Variants in PIAS4 observed in about 807,000 individuals in gnomAD.
PIAS4 encodes the protein protein inhibitor of activated STAT 4.
PIAS4 carries 7 observed loss-of-function variants against 58.0 expected under a neutral mutation model. The observed-to-expected ratio is 0.12, with a 90% CI of 0.07 to 0.23. The LOEUF (loss-of-function observed/expected upper bound fraction) is 0.23, where lower values mean the gene tolerates loss of function less well. PIAS4 is among the 10% of genes least tolerant of loss of function. The pLI, the probability that PIAS4 is intolerant of heterozygous loss-of-function variation, is 1.00. For missense variants in PIAS4, 550 were observed against 709.5 expected (o/e 0.78, Z 2.55); for synonymous variants, 364 against 312.4 (o/e 1.17, Z -1.74).
chr19:4,038,602 G>C lies in PIAS4; in HGVS notation c.*727G>C, dbSNP rs2040329295. On this transcript the variant is annotated 3_prime_UTR_variant, in exon 11 of 11. Transcript: ENST00000262971. This position sits in a 1 kb window ranked among gnomAD's most constrained non-coding sequence, Gnocchi z 4.1. ...AACCCCCGGGGAAGGCGGGGGCCCA[G>C]GGTGCGGCACCGTGTGGCGTGGGGG... 1 of 152,422 alleles carries C rather than the reference G, an allele frequency of 6.6e-6. No individual in the cohort carries two copies. Among genetic ancestry groups the C allele is most frequent in the Non-Finnish European group, 1.5e-5 (1 of 68,100 alleles). 9.4% of individuals were successfully genotyped at this position (152,422 alleles called of 1,614,324 possible). A position where few individuals can be genotyped will look rare whatever the true frequency, so the allele number is the denominator to read the frequency against.
chr19:4,016,161 C>G (rs532409125), intron 2 of PIAS4, among the ~76,000 whole-genome samples: 1 of 152,356 alleles, frequency 6.6e-6, no homozygotes, highest in East Asian at 1.9e-4. Context: ...CCCTTTCCAG[C>G]CTGCGCCACC....
At chr19:4,030,628 A>G (rs117041988) in intron 7 of PIAS4, among the ~76,000 whole-genome samples, 3,636 of 152,078 alleles carry the variant, frequency 0.024, 55 homozygotes, top group Non-Finnish European at 0.037. Flanking sequence ...CAAAAAAAAA[A>G]AAAAGCCTGC....
chr19:4,037,134 C>T lies in PIAS4; in HGVS notation c.1143-240C>T, dbSNP rs1490689727. The stretch of plus-strand genomic sequence containing the variant: ...TTGGGGGCCACTGGGTATGTGTGTC[C>T]ATGCCCCGTCCCCCCGGCAGTGCCG... On this transcript the variant is annotated intron_variant, in intron 9 of 10. Transcript: ENST00000262971. The surrounding 1 kb of genome is among the most constrained non-coding windows in gnomAD (Gnocchi z 5.8). Among the ~76,000 whole-genome samples the T allele has an allele frequency of 5.9e-5, 9 of 152,236 alleles. No individual in the cohort carries two copies. The highest frequency in any genetic ancestry group is 1.3e-4 in the Admixed American group (2 of 15,288).
rs2040021326 is a variant in PIAS4, at chr19:4,013,531, C to A, written c.454+182C>A. ...AGGGACCATCTTTGATATTGGTCACCCCTTGCTGTGTTACAAGTTACCCCG... is the reference window on the plus strand; with the variant it reads ...AGGGACCATCTTTGATATTGGTCACACCTTGCTGTGTTACAAGTTACCCCG... On this transcript the variant is annotated intron_variant, in intron 2 of 10. Coordinates refer to ENST00000262971, the MANE Select transcript of PIAS4 (RefSeq NM_015897.4). This position sits in a 1 kb window ranked among gnomAD's most constrained non-coding sequence, Gnocchi z 5.1. 6.6e-6 allele frequency among the ~76,000 whole-genome samples: 1 copy of A among 152,138 alleles called. No individual in the cohort carries two copies. The highest frequency in any genetic ancestry group is 2.4e-5 in the African/African-American group (1 of 41,434).
At chr19:4,009,621 G>T (rs933631446) in intron 1 of PIAS4, among the ~76,000 whole-genome samples, 1 of 151,610 alleles carries the variant, frequency 6.6e-6, no homozygotes, top group Admixed American at 6.6e-5. Flanking sequence ...TCTAAACCGT[G>T]AGCCTCCATT....
chr19:4,015,623 TTTTAGGACCTGA>T (rs2040044976), intron 2 of PIAS4, among the ~76,000 whole-genome samples: 1 of 151,982 alleles, frequency 6.6e-6, no homozygotes, highest in Non-Finnish European at 1.5e-5. Context: ...GTCCCCATGG[TTTTAGGACCTGA>T]GATGCCATCT....
chr19:4,023,383 C>T (rs1444003573), intron 2 of PIAS4, among the ~76,000 whole-genome samples: 2 of 152,084 alleles, frequency 1.3e-5, no homozygotes, highest in African/African-American at 2.4e-5. Flanking sequence ...TCGCTTAAAC[C>T]CGGGAGACGG....
chr19:4,037,399 T>G lies in PIAS4; in HGVS notation c.1168T>G (p.Cys390Gly), dbSNP rs1322098706. Residue 390 changes from cysteine (C) to glycine (G), a missense_variant, in exon 10 of 11, where the codon TGT (cysteine) becomes GGT (glycine). This residue lies in a region of PIAS4 where 188 missense variants were observed against 192.0 expected (regional missense o/e 0.98). Transcript: ENST00000262971. The surrounding 1 kb of genome is among the most constrained non-coding windows in gnomAD (Gnocchi z 5.8). ...DGLLSKILSE[C>G]EDADEIEYLV... ...GCTCCTCTCGAAGATCCTGAGCGAGTGTGAGGACGCCGACGAGATCGAGTA... is the reference window on the plus strand; with the variant it reads ...GCTCCTCTCGAAGATCCTGAGCGAGGGTGAGGACGCCGACGAGATCGAGTA... The G allele has an allele frequency of 1.9e-6, 3 of 1,609,690 alleles. No individual in the cohort carries two copies. The highest frequency in any genetic ancestry group is 2.5e-6 in the Non-Finnish European group (3 of 1,177,942).
At chr19:4,015,784 G>A (rs375013372) in intron 2 of PIAS4, among the ~76,000 whole-genome samples, 46 of 152,214 alleles carry the variant, frequency 3.0e-4, no homozygotes, top group African/African-American at 1.0e-3. Context: ...ACCGTCCAGC[G>A]TGAGGCCCAC....
rs1038760947 is a variant in PIAS4 at position 4,038,264 on chromosome 19, C to T, written c.*389C>T. ...CGCCGCCCTCTGCCCACGACCATTCCAGCCAGTGCGCGGGGACCCGGGCGG... is the reference window on the plus strand; with the variant it reads ...CGCCGCCCTCTGCCCACGACCATTCTAGCCAGTGCGCGGGGACCCGGGCGG... On this transcript the variant is annotated 3_prime_UTR_variant, in exon 11 of 11. Transcript: ENST00000262971. This position sits in a 1 kb window ranked among gnomAD's most constrained non-coding sequence, Gnocchi z 4.1. 5.9e-6 allele frequency: 1 copy of T among 170,876 alleles called. No homozygotes were observed. Among genetic ancestry groups the T allele is most frequent in the African/African-American group, 2.4e-5 (1 of 41,552 alleles). 10.6% of individuals were successfully genotyped at this position (170,876 alleles called of 1,614,324 possible). A position where few individuals can be genotyped will look rare whatever the true frequency, so the allele number is the denominator to read the frequency against.
chr19:4,019,022 C>T (rs1237450538), intron 2 of PIAS4, among the ~76,000 whole-genome samples: 2 of 151,924 alleles, frequency 1.3e-5, no homozygotes, highest in African/African-American at 4.8e-5. Context: ...TCCCAGGGGG[C>T]GGGCTCTGGC....
At position 4,024,029 on chromosome 19, in the gene PIAS4, T is replaced by C; in HGVS notation, c.455-7T>C. ...AGACATGCCCCTGACCCCGTGTTTG[T>C]CTTCAGTCCCACAGAACAACGAGAA... is the stretch of plus-strand genomic sequence containing the variant. On this transcript the variant is annotated splice_polypyrimidine_tract_variant and splice_region_variant and intron_variant, in intron 2 of 10. Transcript: ENST00000262971. 1 of 1,609,682 alleles carries C rather than the reference T, an allele frequency of 6.2e-7. No individual in the cohort carries two copies. The highest frequency in any genetic ancestry group is 8.5e-7 in the Non-Finnish European group (1 of 1,175,926).
At chr19:4,030,997 C>G (rs1599230048) in intron 7 of PIAS4, among the ~76,000 whole-genome samples, 1 of 152,210 alleles carries the variant, frequency 6.6e-6, no homozygotes, top group East Asian at 1.9e-4. Flanking sequence ...TTGCTCGCAC[C>G]CCCTTCCCGA....
Position 4,013,652 on chromosome 19 carries a change from C to CA in PIAS4, c.454+304dup, listed in dbSNP as rs35174973. ...GGGGCTTGGGGGCTCTCATGAGGCT[C>CA]AGTCAGGCTGGAGCCACCTCATCTG... On this transcript the variant is annotated intron_variant, in intron 2 of 10. Coordinates refer to ENST00000262971, the MANE Select transcript of PIAS4 (RefSeq NM_015897.4). This position sits in a 1 kb window ranked among gnomAD's most constrained non-coding sequence, Gnocchi z 5.1. Among the ~76,000 whole-genome samples the CA allele has an allele frequency of 0.18, 26,936 of 152,048 alleles. 2,554 individuals are homozygous for CA. Among genetic ancestry groups the CA allele is most frequent in the Middle Eastern group, 0.27 (80 of 294 alleles).
At chr19:4,024,177 G>A in intron 3 of PIAS4, 57 bp downstream of exon 3, 2 of 1,297,814 alleles carry the variant, frequency 1.5e-6, no homozygotes, top group African/African-American at 2.9e-5. Flanking sequence ...ACTTTCTCCT[G>A]GGCTCACTGG....
At position 4,028,974 on chromosome 19, in the gene PIAS4, C is replaced by T. The variant is rs774408856; in HGVS notation, c.845C>T (p.Ser282Leu). Residue 282 changes from serine (S) to leucine (L), a missense_variant, in exon 7 of 11, where the codon TCG becomes TTG. This residue lies in a region of PIAS4 where 225 missense variants were observed against 345.8 expected (regional missense o/e 0.65). Transcript: ENST00000262971. Reference protein sequence around the residue: ...ALYLVRQLTSSELLQRLKTIG... With the variant: ...ALYLVRQLTSLELLQRLKTIG... ...TACCTGGTGCGGCAGCTGACCTCAT[C>T]GGAGCTGCTGCAGAGGCTGAAGACC... 2.5e-5 allele frequency: 40 copies of T among 1,611,004 alleles called. No individual in the cohort carries two copies. Among genetic ancestry groups the T allele is most frequent in the East Asian group, 6.7e-5 (3 of 44,822 alleles).
intron 1 of PIAS4, among the ~76,000 whole-genome samples, chr19:4,011,208 C>T (rs544514029): frequency 1.3e-5 from 2 of 152,348 alleles, no homozygotes; most frequent in African/African-American, 2.4e-5. Flanking sequence ...TTCGGGTACC[C>T]GCCAGCTTTC....
chr19:4,019,885 A>G (rs1434324106), intron 2 of PIAS4, among the ~76,000 whole-genome samples: 1 of 151,134 alleles, frequency 6.6e-6, no homozygotes, highest in East Asian at 2.0e-4. Context: ...AGGCCCTGGC[A>G]GGGCTGGGAG....
At chr19:4,028,074 C>G in intron 3 of PIAS4, 72 bp from the exon 4 acceptor site, 1 of 1,449,472 alleles carries the variant, frequency 6.9e-7, no homozygotes, top group South Asian at 1.1e-5. Context: ...TCCACCTTGT[C>G]GGGTGGGCTG....
Sources: allele counts gnomAD v4.1 joint callset (sites outside exome capture counted in the v4.1 genomes callset), GRCh38; gene constraint gnomAD v4.1.1; regional missense constraint gnomAD v4.1.1; non-coding constraint Gnocchi (gnomAD v3.1); transcripts MANE v1.5; gene names NCBI Gene and HGNC (gene_info 2026-07-23, HGNC 2026-07-21).